The following PDE11A variants were observed in gnomAD, a reference collection of about 807,000 sequenced individuals.
PDE11A encodes dual 3',5'-cyclic-AMP and -GMP phosphodiesterase 11A.
A neutral mutation model predicts 100.5 loss-of-function variants in PDE11A; 100 were observed. The ratio of observed to expected loss-of-function variants is 1.00; its 90% CI spans 0.85 to 1.18. The LOEUF (loss-of-function observed/expected upper bound fraction) is 1.18, where lower values mean the gene tolerates loss of function less well. PDE11A is among the 50% of genes most tolerant of loss of function. The probability of loss-of-function intolerance (pLI) is 0.00; values close to 1 mark genes in which losing one functional copy is unlikely to be tolerated. For synonymous variants in PDE11A, 381 were observed against 420.8 expected, an observed-to-expected ratio of 0.91 and a Z score of 1.16; for missense variants, 1,141 against 1,152.6, an observed-to-expected ratio of 0.99 and a Z score of 0.15.
intron 2 of PDE11A, among the ~76,000 whole-genome samples, chr2:178,004,749 C>T (rs77275380): frequency 0.01 from 1,580 of 151,988 alleles, 20 homozygotes; most frequent in Middle Eastern, 0.037. Context: ...TAAATCAGAA[C>T]GCAGCAAGCT....
At chr2:177,713,958 GT>G (rs2081394119) in intron 12 of PDE11A, among the ~76,000 whole-genome samples, 1 of 113,296 alleles carries the variant, frequency 8.8e-6, no homozygotes, top group African/African-American at 3.0e-5. Flanking sequence ...TAAATTCGTA[GT>G]TTTCCCACCA....
intron 2 of PDE11A, among the ~76,000 whole-genome samples, chr2:178,004,981 T>C (rs2086188120): frequency 1.3e-5 from 2 of 152,122 alleles, no homozygotes; most frequent in Admixed American, 6.6e-5. Flanking sequence ...GACAATACTT[T>C]CTTGAACTTC....
intron 4 of PDE11A, among the ~76,000 whole-genome samples, chr2:177,882,009 T>C (rs2084351306): frequency 6.6e-6 from 1 of 152,250 alleles, no homozygotes; most frequent in African/African-American, 2.4e-5. Context: ...CATAATCTTT[T>C]AATTTGAAAC....
At chr2:177,980,136 A>G (rs1326088626) in intron 2 of PDE11A, among the ~76,000 whole-genome samples, 2 of 150,284 alleles carry the variant, frequency 1.3e-5, no homozygotes, top group African/African-American at 2.4e-5. Flanking sequence ...AGGTAGACCA[A>G]TAAGTAGAAA....
intron 19 of PDE11A, 62 bp from the exon 20 acceptor site, chr2:177,629,624 T>A: frequency 6.5e-7 from 1 of 1,538,230 alleles, no homozygotes; most frequent in Admixed American, 1.7e-5. Flanking sequence ...CTGACATGAT[T>A]TTCCACCTTT....
In PDE11A at chr2:178,016,131, A is replaced by ATTTTTTTT. The variant is rs55638601; in HGVS notation, c.913-1679_913-1672dup. On this transcript the variant is annotated intron_variant, in intron 1 of 19. Transcript: ENST00000286063. Reference sequence around the variant, plus strand: ...AGATGCAAGCCATCATGCCTGGCTAATTTTTTTTTTTTTTTTTTTTTTTTG... The same window carrying ATTTTTTTT: ...AGATGCAAGCCATCATGCCTGGCTAATTTTTTTTTTTTTTTTTTTTTTTTTTTTTTTTG... Among the ~76,000 whole-genome samples, 67 of 83,722 alleles carry ATTTTTTTT rather than the reference A, an allele frequency of 8.0e-4. 1 individual carries two copies. Among genetic ancestry groups the ATTTTTTTT allele is most frequent in the African/African-American group, 1.9e-3 (38 of 20,322 alleles). 54.9% of individuals were successfully genotyped at this position (83,722 alleles called of 152,430 possible). A position where few individuals can be genotyped will look rare whatever the true frequency, so the allele number is the denominator to read the frequency against.
intron 17 of PDE11A, among the ~76,000 whole-genome samples, chr2:177,672,445 C>T (rs1048603439): frequency 2.0e-5 from 3 of 151,978 alleles, no homozygotes; most frequent in African/African-American, 4.8e-5. Context: ...AAAATTGGTA[C>T]GGAAGTGAGG....
chr2:177,748,527 G>A (rs1226801689), intron 10 of PDE11A, among the ~76,000 whole-genome samples: 1 of 152,082 alleles, frequency 6.6e-6, no homozygotes, highest in African/African-American at 2.4e-5. Context: ...CCTAGCAACA[G>A]TGTACTGGTA....
At chr2:177,723,197 C>G (rs1448068455) in intron 12 of PDE11A, 3 of 152,162 alleles carry the variant, frequency 2.0e-5, no homozygotes, top group African/African-American at 7.2e-5. Flanking sequence ...ACATCAGCCT[C>G]AAGCTGGTAA....
At chr2:177,914,315 ATC>A (rs2084922005) in intron 2 of PDE11A, among the ~76,000 whole-genome samples, 1 of 152,120 alleles carries the variant, frequency 6.6e-6, no homozygotes, top group Admixed American at 6.6e-5. Context: ...AGTAATTGTC[ATC>A]TGTTTGATAT....
Position 177,795,438 on chromosome 2 carries a change from G to A in PDE11A, c.1737+21391C>T, listed in dbSNP as rs568262539. Among the ~76,000 whole-genome samples the A allele has an allele frequency of 3.9e-5, 6 of 152,226 alleles. No individual in the cohort carries two copies. In the East Asian group the frequency reaches 9.7e-4, roughly 25 times the overall value. On this transcript the variant is annotated intron_variant, in intron 9 of 19. Transcript: ENST00000286063. ...ATTCCAAGAGCAGATGTTTTTGCTA[G>A]AAAGTGTTGATTACCCGCTTCGGCT...
At chr2:177,911,376 A>G (rs2084878772) in intron 2 of PDE11A, among the ~76,000 whole-genome samples, 1 of 152,340 alleles carries the variant, frequency 6.6e-6, no homozygotes, top group South Asian at 2.1e-4. Context: ...TTCCAGAGGT[A>G]TAGCTTCATT....
intron 6 of PDE11A, among the ~76,000 whole-genome samples, chr2:177,826,857 A>T (rs982658004): frequency 6.6e-6 from 1 of 152,202 alleles, no homozygotes; most frequent in Admixed American, 6.5e-5. Flanking sequence ...AGGTTCTCAA[A>T]CTGGTTCACA....
intron 1 of PDE11A, among the ~76,000 whole-genome samples, chr2:178,038,134 G>T (rs1251674507): frequency 6.6e-6 from 1 of 151,754 alleles, no homozygotes; most frequent in East Asian, 1.9e-4. Flanking sequence ...AGATATAATT[G>T]AAATAAAAAA....
At chr2:177,767,391 A>G (rs2082253569) in intron 10 of PDE11A, among the ~76,000 whole-genome samples, 1 of 151,896 alleles carries the variant, frequency 6.6e-6, no homozygotes, top group Non-Finnish European at 1.5e-5. Context: ...CAGCTCTTGC[A>G]GTCATATCTA....
intron 3 of PDE11A, among the ~76,000 whole-genome samples, chr2:177,898,819 T>C (rs899515858): frequency 6.6e-6 from 1 of 152,170 alleles, no homozygotes; most frequent in African/African-American, 2.4e-5. Context: ...TGTAACTAAT[T>C]ATATTGCTAT....
chr2:177,765,669 A>G (rs986837587), intron 10 of PDE11A, among the ~76,000 whole-genome samples: 1 of 152,144 alleles, frequency 6.6e-6, no homozygotes, highest in African/African-American at 2.4e-5. Flanking sequence ...ACCAAAGCTC[A>G]TGCCTTCTGT....
chr2:178,034,482 C>G (rs1189266637), intron 1 of PDE11A, among the ~76,000 whole-genome samples: 2 of 152,114 alleles, frequency 1.3e-5, no homozygotes, highest in African/African-American at 4.8e-5. Flanking sequence ...AGAAAATTAA[C>G]AAGGATATTC....
chr2:177,993,373 T>TA (rs1553498356), intron 2 of PDE11A, among the ~76,000 whole-genome samples: 4,436 of 150,658 alleles, frequency 0.029, 89 homozygotes, highest in Non-Finnish European at 0.044. Context: ...TTCTTCTTTT[T>TA]AAAAAAAAAA....
Sources: allele counts gnomAD v4.1 joint callset (sites outside exome capture counted in the v4.1 genomes callset), GRCh38; gene constraint gnomAD v4.1.1; transcripts MANE v1.5; gene names NCBI Gene and HGNC (gene_info 2026-07-23, HGNC 2026-07-21).